Variants in EML4 observed in about 807,000 individuals in gnomAD.
EML4 encodes the protein EMAP like 4, also known as echinoderm microtubule-associated protein-like 4.
A neutral mutation model predicts 129.0 loss-of-function variants in EML4; 72 were observed. That is an observed-to-expected ratio of 0.56 (90% CI 0.46 to 0.68). The LOEUF is 0.68. EML4 is among the 30% of genes least tolerant of loss of function. The probability of loss-of-function intolerance (pLI) is 0.00; values close to 1 mark genes in which losing one functional copy is unlikely to be tolerated. For synonymous variants in EML4, 532 were observed against 405.0 expected, an observed-to-expected ratio of 1.31 and a Z score of -3.77; for missense variants, 1,363 against 1,190.6, an observed-to-expected ratio of 1.14 and a Z score of -2.13.
At chr2:42,179,825 C>T (rs770507083) in intron 1 of EML4, among the ~76,000 whole-genome samples, 1 of 152,100 alleles carries the variant, frequency 6.6e-6, no homozygotes, top group Non-Finnish European at 1.5e-5. Context: ...TGATCTGGAA[C>T]TCTTGACCCC....
chr2:42,315,134 G>A (rs982991411), intron 17 of EML4, among the ~76,000 whole-genome samples: 4 of 152,134 alleles, frequency 2.6e-5, no homozygotes, highest in Non-Finnish European at 5.9e-5. Flanking sequence ...CACCTCCTTA[G>A]CTATACAGCT....
chr2:42,291,026 T>A (rs1667611930), intron 11 of EML4, among the ~76,000 whole-genome samples: 1 of 152,284 alleles, frequency 6.6e-6, no homozygotes, highest in East Asian at 1.9e-4. Flanking sequence ...TATCAAGACT[T>A]ATGTAATTAA....
chr2:42,325,526 T>C lies in EML4; in HGVS notation c.2214T>C (p.Ser738=). ...CCCCAGACAACAAGTATATAATGTC[T>C]AACTCGGGAGACTATGAAATATTGT... ...DWSPDNKYIM[S]NSGDYEILYW... The change falls in exon 20 of 23, where the codon TCT becomes TCC. Residue 738 remains serine (S), a synonymous_variant. Transcript: ENST00000318522. 6.4e-7 allele frequency: 1 copy of C among 1,554,824 alleles called. No homozygotes were observed. The highest frequency in any genetic ancestry group is 8.8e-7 in the Non-Finnish European group (1 of 1,135,978).
At chr2:42,190,545 C>A (rs986794846) in intron 1 of EML4, among the ~76,000 whole-genome samples, 3 of 152,120 alleles carry the variant, frequency 2.0e-5, no homozygotes, top group African/African-American at 7.2e-5. Flanking sequence ...ATGAGCTATA[C>A]AGTGAATGAT....
At chr2:42,287,968 A>G (rs1667403000) in intron 10 of EML4, among the ~76,000 whole-genome samples, 2 of 152,154 alleles carry the variant, frequency 1.3e-5, no homozygotes, top group Admixed American at 6.5e-5. Flanking sequence ...TCTCTGAATA[A>G]TAGGAGTGAC....
intron 6 of EML4, among the ~76,000 whole-genome samples, chr2:42,269,330 C>G (rs570799505): frequency 1.3e-5 from 2 of 152,296 alleles, no homozygotes; most frequent in African/African-American, 4.8e-5. Context: ...GTCATTCTAA[C>G]AGGTTACAGT....
At chr2:42,256,411 C>G (rs1325503129) in intron 2 of EML4, 90 bp from the exon 3 acceptor site, 2 of 1,302,388 alleles carry the variant, frequency 1.5e-6, no homozygotes, top group African/African-American at 1.5e-5. Context: ...TTCTACCACC[C>G]CCTCCTTCCA....
intron 1 of EML4, among the ~76,000 whole-genome samples, chr2:42,216,405 G>A (rs1469407688): frequency 6.6e-6 from 1 of 151,524 alleles, no homozygotes; most frequent in Non-Finnish European, 1.5e-5. Context: ...ACCACACCTG[G>A]CTAATTTTTG....
chr2:42,170,768 CCTTT>C (rs1430501730), intron 1 of EML4, among the ~76,000 whole-genome samples: 3 of 152,216 alleles, frequency 2.0e-5, no homozygotes, highest in Admixed American at 1.3e-4. Flanking sequence ...TATTCAGACG[CCTTT>C]CTTTTACATT....
chr2:42,217,485 T>G (rs1419028194), intron 1 of EML4, among the ~76,000 whole-genome samples: 1 of 152,222 alleles, frequency 6.6e-6, no homozygotes, highest in African/African-American at 2.4e-5. Context: ...GGTTACTGTT[T>G]TTCATTTAGT....
chr2:42,292,558 GAGAAA>G (rs1333544966), intron 11 of EML4, among the ~76,000 whole-genome samples: 1 of 152,174 alleles, frequency 6.6e-6, no homozygotes, highest in Non-Finnish European at 1.5e-5. Flanking sequence ...GAATGAAACG[GAGAAA>G]AATAATCTTT....
intron 17 of EML4, among the ~76,000 whole-genome samples, chr2:42,313,591 A>G (rs1669077597): frequency 6.6e-6 from 1 of 152,182 alleles, no homozygotes; most frequent in African/African-American, 2.4e-5. Context: ...TAAGAGGGAA[A>G]TGGTCCCTTT....
chr2:42,196,644 A>G (rs1176960241), intron 1 of EML4, among the ~76,000 whole-genome samples: 1 of 152,202 alleles, frequency 6.6e-6, no homozygotes, highest in Non-Finnish European at 1.5e-5. Flanking sequence ...AGCGAAACAA[A>G]GAGCTGGAGT....
intron 1 of EML4, among the ~76,000 whole-genome samples, chr2:42,216,760 C>A (rs1233119503): frequency 6.6e-6 from 1 of 152,302 alleles, no homozygotes; most frequent in Non-Finnish European, 1.5e-5. Flanking sequence ...CTATTTTTAA[C>A]CATGCCACAA....
intron 17 of EML4, among the ~76,000 whole-genome samples, chr2:42,309,172 G>T (rs1276682918): frequency 6.6e-6 from 1 of 152,036 alleles, no homozygotes; most frequent in African/African-American, 2.4e-5. Context: ...TTGGGAGGCT[G>T]AAGCAGGAGG....
chr2:42,223,682 C>A (rs1673766728), intron 1 of EML4, among the ~76,000 whole-genome samples: 1 of 152,084 alleles, frequency 6.6e-6, no homozygotes, highest in African/African-American at 2.4e-5. Context: ...TTGAAAACAT[C>A]CCCATGAAAA....
intron 1 of EML4, among the ~76,000 whole-genome samples, chr2:42,206,478 G>C (rs1672548073): frequency 6.6e-6 from 1 of 152,150 alleles, no homozygotes; most frequent in Non-Finnish European, 1.5e-5. Context: ...ACCTCCCAAA[G>C]TGTTGGGATT....
chr2:42,217,378 G>C (rs946069670), intron 1 of EML4, among the ~76,000 whole-genome samples: 4 of 152,032 alleles, frequency 2.6e-5, no homozygotes, highest in Admixed American at 6.6e-5. Flanking sequence ...GTTCTTCTCA[G>C]AATTAACCTT....
At chr2:42,262,227 C>A (rs1008977804) in intron 4 of EML4, among the ~76,000 whole-genome samples, 2 of 152,002 alleles carry the variant, frequency 1.3e-5, no homozygotes, top group African/African-American at 4.8e-5. Flanking sequence ...ATTGGGAAAA[C>A]CAAAATACCC....
Sources: gnomAD v4.1 joint callset for allele counts (sites outside exome capture counted in the v4.1 genomes callset) on GRCh38, gnomAD v4.1.1 for gene constraint, MANE v1.5 for transcripts, NCBI Gene and HGNC (gene_info 2026-07-23, HGNC 2026-07-21) for gene names.